The following PIEZO2 variants were observed in gnomAD, a reference collection of about 807,000 sequenced individuals.
PIEZO2 encodes the protein piezo-type mechanosensitive ion channel component 2.
PIEZO2 carries 172 observed loss-of-function variants against 337.3 expected under a neutral mutation model. The ratio of observed to expected loss-of-function variants is 0.51; its 90% CI spans 0.45 to 0.58. The LOEUF (loss-of-function observed/expected upper bound fraction) is 0.58, where lower values mean the gene tolerates loss of function less well. Ranked by LOEUF, PIEZO2 falls within the 20% of genes least tolerant of loss-of-function variation. The pLI is 0.00. For missense variants in PIEZO2, 3,028 were observed against 3,391.3 expected, an observed-to-expected ratio of 0.89 and a Z score of 2.66; for synonymous variants, 1,251 against 1,228.5, an observed-to-expected ratio of 1.02 and a Z score of -0.38.
rs1277698686 is a variant in PIEZO2, at chr18:10,716,142, T to C, written c.5090-326A>G. Among the ~76,000 whole-genome samples, 1 of 152,170 alleles carries C rather than the reference T, an allele frequency of 6.6e-6. No individual in the cohort carries two copies. The highest frequency in any genetic ancestry group is 6.5e-5 in the Admixed American group (1 of 15,276). On this transcript the variant is annotated intron_variant, in intron 37 of 55. Coordinates refer to ENST00000674853, the MANE Select transcript of PIEZO2 (RefSeq NM_001378183.1). This position sits in a 1 kb window ranked among gnomAD's most constrained non-coding sequence, Gnocchi z 4.1. ...GATCCACTCTACGCGTGGATTGTTT[T>C]CAGTAAAAGTTACTCCAAATGTGCC... is the stretch of plus-strand genomic sequence containing the variant.
At chr18:11,071,074 T>A (rs2038322326) in intron 1 of PIEZO2, among the ~76,000 whole-genome samples, 1 of 152,150 alleles carries the variant, frequency 6.6e-6, no homozygotes, top group Non-Finnish European at 1.5e-5. Context: ...AAAAATGCAA[T>A]AAAGCAAAAT....
chr18:10,947,743 T>C (rs1598734071), intron 3 of PIEZO2, among the ~76,000 whole-genome samples: 1 of 152,148 alleles, frequency 6.6e-6, no homozygotes, highest in African/African-American at 2.4e-5. Flanking sequence ...GAAAGATGAA[T>C]GTTCAAACAA....
At chr18:10,737,999 G>A (rs558567089) in intron 33 of PIEZO2, 1 of 152,332 alleles carries the variant, frequency 6.6e-6, no homozygotes, top group South Asian at 2.1e-4. Context: ...CTCCATTCAT[G>A]AAGATACACA....
In PIEZO2 at chr18:10,698,913, G is replaced by A. The variant is rs2035214686; in HGVS notation, c.6694+12C>T. 2 of 1,535,958 alleles carry A rather than the reference G, an allele frequency of 1.3e-6. No homozygotes were observed. Among genetic ancestry groups the A allele is most frequent in the South Asian group, 2.4e-5 (2 of 84,016 alleles). ...GCTAACTACAGCCTAGATATATTGT[G>A]TCGACAGATACCTCTTTGGGATCTG... On this transcript the variant is annotated intron_variant, in intron 44 of 55. Transcript: ENST00000674853.
At chr18:10,806,106 G>A (rs1813939268) in intron 8 of PIEZO2, among the ~76,000 whole-genome samples, 1 of 152,214 alleles carries the variant, frequency 6.6e-6, no homozygotes, top group African/African-American at 2.4e-5. Flanking sequence ...TGATGAACAT[G>A]TGGGAATGGT....
At chr18:10,923,796 A>G (rs2031563316) in intron 3 of PIEZO2, among the ~76,000 whole-genome samples, 3 of 143,280 alleles carry the variant, frequency 2.1e-5, no homozygotes, top group Non-Finnish European at 4.6e-5. Flanking sequence ...GCAGATGGCA[A>G]TGATTCAACT....
rs1352168451 is a variant in PIEZO2, at chr18:11,126,465, CCT to C, written c.64+22058_64+22059del. Among the ~76,000 whole-genome samples, 1 of 152,160 alleles carries C rather than the reference CCT, an allele frequency of 6.6e-6. No homozygotes were observed. Among genetic ancestry groups the C allele is most frequent in the Non-Finnish European group, 1.5e-5 (1 of 68,040 alleles). On this transcript the variant is annotated intron_variant, in intron 1 of 55. Coordinates refer to ENST00000674853, the MANE Select transcript of PIEZO2 (RefSeq NM_001378183.1). This position sits in a 1 kb window ranked among gnomAD's most constrained non-coding sequence, Gnocchi z 4.6. ...CACTCCTCACACAGTCCTCTTCCCA[CCT>C]TTAGTGCCAGTTTCTTGGTCATCTC...
chr18:10,887,392 A>G (rs1047042818), intron 4 of PIEZO2, among the ~76,000 whole-genome samples: 2 of 151,888 alleles, frequency 1.3e-5, no homozygotes, highest in African/African-American at 2.4e-5. Flanking sequence ...AAATGACCAG[A>G]TCTACTGAGA....
rs1471873825 is a variant in PIEZO2 at position 10,775,946 on chromosome 18, G to T, written c.2535-1908C>A. Among the ~76,000 whole-genome samples, 1 of 152,066 alleles carries T rather than the reference G, an allele frequency of 6.6e-6. No individual in the cohort carries two copies. The highest frequency in any genetic ancestry group is 1.5e-5 in the Non-Finnish European group (1 of 68,024). ...AAAAAAAAAAGAAATTATGTATCAG[G>T]CTGTCATTTACTAGTCTAGGGGTTT... On this transcript the variant is annotated intron_variant, in intron 18 of 55. Transcript: ENST00000674853. This position sits in a 1 kb window ranked among gnomAD's most constrained non-coding sequence, Gnocchi z 4.3.
intron 13 of PIEZO2, among the ~76,000 whole-genome samples, chr18:10,793,835 C>G (rs1436346971): frequency 6.6e-6 from 1 of 152,146 alleles, no homozygotes; most frequent in Non-Finnish European, 1.5e-5. Flanking sequence ...TCACCTCTGT[C>G]ACTAGAATTC....
At chr18:10,772,882 T>C (rs2038652874) in intron 20 of PIEZO2, among the ~76,000 whole-genome samples, 1 of 152,206 alleles carries the variant, frequency 6.6e-6, no homozygotes, top group Admixed American at 6.5e-5. Flanking sequence ...AACAACAATA[T>C]TGACAAAAAC....
At chr18:10,992,750 T>C (rs1358721721) in intron 2 of PIEZO2, among the ~76,000 whole-genome samples, 4 of 152,222 alleles carry the variant, frequency 2.6e-5, no homozygotes, top group Non-Finnish European at 5.9e-5. Flanking sequence ...AGTAGTTTTT[T>C]TCCAATTCTG....
Position 10,699,166 on chromosome 18 carries a change from T to A in PIEZO2, c.6453A>T (p.Leu2151Phe). 1 of 1,537,232 alleles carries A rather than the reference T, an allele frequency of 6.5e-7. No individual in the cohort carries two copies. The highest frequency in any genetic ancestry group is 8.7e-7 in the Non-Finnish European group (1 of 1,146,906). ...FHRSILKCHG[L>F]WDEDDMTESG... ...TTTCAGTCATGTCATCTTCATCCCA[T>A]AAGCCATGGCACTGAGAAAGCAGGG... is the stretch of plus-strand genomic sequence containing the variant. Residue 2151 changes from leucine to phenylalanine, a missense_variant, in exon 44 of 56, where the codon TTA (leucine) becomes TTT (phenylalanine). By Grantham distance (22) the Leu-to-Phe change is conservative (BLOSUM62 0). Around this residue, in one of 5 missense-constraint regions of PIEZO2, gnomAD observed 1,925 missense variants for 2,051.9 expected, o/e 0.94. Transcript: ENST00000674853.
chr18:10,872,759 T>G lies in PIEZO2; in HGVS notation c.330-1344A>C, dbSNP rs1440941107. ...GCATGTTCTCTGCTCACTCATATAA[T>G]ATAAAATAAGCTGTAACAAGAAAAA... is the stretch of plus-strand genomic sequence containing the variant. On this transcript the variant is annotated intron_variant, in intron 4 of 55. Coordinates refer to ENST00000674853, the MANE Select transcript of PIEZO2 (RefSeq NM_001378183.1). The surrounding 1 kb of genome is among the most constrained non-coding windows in gnomAD (Gnocchi z 4.3). 6.6e-6 allele frequency among the ~76,000 whole-genome samples: 1 copy of G among 152,128 alleles called. No individual in the cohort carries two copies.
At chr18:10,858,767 C>T (rs1193517363) in intron 5 of PIEZO2, among the ~76,000 whole-genome samples, 1 of 152,090 alleles carries the variant, frequency 6.6e-6, no homozygotes, top group African/African-American at 2.4e-5. Context: ...CTGGAGTTGA[C>T]TATTGATGAG....
intron 2 of PIEZO2, among the ~76,000 whole-genome samples, chr18:11,004,872 C>G (rs1346348172): frequency 6.6e-6 from 1 of 152,232 alleles, no homozygotes; most frequent in Non-Finnish European, 1.5e-5. Context: ...TGTGACCAGA[C>G]TGTAAGCTTC....
Position 10,794,713 on chromosome 18 carries a change from T to G in PIEZO2, c.1758+59A>C. Reference sequence around the variant, plus strand: ...TTATAAGGTTTCTCTTGGATACGATTATGATGATGATTGTGGTTTTGTGTC... The same window carrying G: ...TTATAAGGTTTCTCTTGGATACGATGATGATGATGATTGTGGTTTTGTGTC... On this transcript the variant is annotated intron_variant, in intron 13 of 55. Coordinates refer to ENST00000674853, the MANE Select transcript of PIEZO2 (RefSeq NM_001378183.1). The surrounding 1 kb of genome is among the most constrained non-coding windows in gnomAD (Gnocchi z 6.6). 1 of 1,251,892 alleles carries G rather than the reference T, an allele frequency of 8.0e-7. No individual in the cohort carries two copies. The highest frequency in any genetic ancestry group is 1.1e-6 in the Non-Finnish European group (1 of 919,370). The allele number at this position is 1,251,892 out of a possible 1,614,324, so 77.5% of individuals were successfully genotyped here. A position where few individuals can be genotyped will look rare whatever the true frequency, so the allele number is the denominator to read the frequency against.
intron 27 of PIEZO2, 57 bp from the exon 28 acceptor site, chr18:10,752,936 A>G: frequency 6.7e-7 from 1 of 1,496,058 alleles, no homozygotes; most frequent in East Asian, 2.5e-5. Context: ...CAAAAGCAAA[A>G]TCAGGAAAGT....
At chr18:10,715,586 A>G in intron 38 of PIEZO2, 64 bp downstream of exon 38, 2 of 1,399,452 alleles carry the variant, frequency 1.4e-6, no homozygotes, top group Non-Finnish European at 1.9e-6. Context: ...GGAGTTTTGG[A>G]CATTGACTTT....
Sources: gnomAD v4.1 joint callset for allele counts (sites outside exome capture counted in the v4.1 genomes callset) on GRCh38, gnomAD v4.1.1 for gene constraint, gnomAD v4.1.1 regional missense constraint, Gnocchi (gnomAD v3.1) non-coding constraint, MANE v1.5 for transcripts, NCBI Gene and HGNC (gene_info 2026-07-23, HGNC 2026-07-21) for gene names.